PDE9A: variants seen among roughly 807,000 people sequenced by gnomAD.
PDE9A encodes phosphodiesterase 9A.
A neutral mutation model predicts 87.4 loss-of-function variants in PDE9A; 60 were observed. The observed-to-expected ratio is 0.69, with a 90% confidence interval of 0.56 to 0.85. PDE9A has a LOEUF of 0.85. PDE9A is among the 40% of genes least tolerant of loss of function. The pLI, the probability that PDE9A is intolerant of heterozygous loss-of-function variation, is 0.00. For missense variants in PDE9A, 665 were observed against 779.0 expected (o/e 0.85, Z 1.74); for synonymous variants, 272 against 279.4 (o/e 0.97, Z 0.27).
At chr21:42,677,267 G>C (rs2058895553) in intron 1 of PDE9A, among the ~76,000 whole-genome samples, 2 of 152,214 alleles carry the variant, frequency 1.3e-5, no homozygotes, top group African/African-American at 4.8e-5. Flanking sequence ...ATTGAATAAA[G>C]AATGTCAGCC....
At chr21:42,725,174 C>CCTT (rs1364164710) in intron 4 of PDE9A, among the ~76,000 whole-genome samples, 1 of 152,170 alleles carries the variant, frequency 6.6e-6, no homozygotes, top group East Asian at 1.9e-4. Context: ...ACGCTGCTTC[C>CCTT]CTTCCATTCC....
chr21:42,733,077 C>T (rs552664806), intron 6 of PDE9A, among the ~76,000 whole-genome samples: 1 of 152,346 alleles, frequency 6.6e-6, no homozygotes, highest in African/African-American at 2.4e-5. Context: ...GTGTCCACCC[C>T]AGAGAGCTTG....
chr21:42,773,831 G>A (rs540872159), intron 19 of PDE9A, among the ~76,000 whole-genome samples: 27 of 145,306 alleles, frequency 1.9e-4, no homozygotes, highest in South Asian at 9.5e-4. Flanking sequence ...TAAGCCGGGC[G>A]CAGTGGCTCA....
At chr21:42,684,042 T>C (rs1271668043) in intron 1 of PDE9A, among the ~76,000 whole-genome samples, 1 of 152,200 alleles carries the variant, frequency 6.6e-6, no homozygotes, top group Non-Finnish European at 1.5e-5. Flanking sequence ...AACACATCTT[T>C]GAGCAGTGGC....
At chr21:42,717,674 G>A (rs561821115) in intron 4 of PDE9A, among the ~76,000 whole-genome samples, 1 of 151,464 alleles carries the variant, frequency 6.6e-6, no homozygotes, top group Admixed American at 6.6e-5. Flanking sequence ...TTACAGGCGT[G>A]AACCACCGTG....
chr21:42,737,523 G>C (rs988516231), intron 7 of PDE9A, among the ~76,000 whole-genome samples: 5 of 152,174 alleles, frequency 3.3e-5, no homozygotes, highest in African/African-American at 1.2e-4. Context: ...GAAGTGGCGT[G>C]ATCTTGGCTC....
Position 42,765,019 on chromosome 21 carries a change from A to ATGGG in PDE9A, c.1243-358_1243-355dup, listed in dbSNP as rs749125801. Among the ~76,000 whole-genome samples the ATGGG allele has an allele frequency of 1.8e-3, 72 of 41,124 alleles. 1 individual carries two copies. Among genetic ancestry groups the ATGGG allele is most frequent in the Non-Finnish European group, 2.9e-3 (66 of 22,418 alleles). 27.0% of individuals were successfully genotyped at this position (41,124 alleles called of 152,430 possible). ...GATGGATGGATGGATGGATGGATGGATGGGTGGATGGGTGGATGGACAAAT... is the reference window on the plus strand; with the variant it reads ...GATGGATGGATGGATGGATGGATGGATGGGTGGGTGGATGGGTGGATGGACAAAT... On this transcript the variant is annotated intron_variant, in intron 14 of 19. Transcript: ENST00000291539.
intron 3 of PDE9A, chr21:42,690,017 T>G (rs2059705890): frequency 1.0e-6 from 1 of 984,588 alleles, no homozygotes. Context: ...AGGATACAGG[T>G]GAAGAAGGTG....
chr21:42,742,984 G>A (rs546726514), intron 7 of PDE9A, among the ~76,000 whole-genome samples: 2 of 152,258 alleles, frequency 1.3e-5, no homozygotes, highest in South Asian at 2.1e-4. Context: ...TGTTAGTCTC[G>A]TCCCCAGGCA....
intron 7 of PDE9A, among the ~76,000 whole-genome samples, chr21:42,737,994 TACGGATTATTTTGTAAACAGA>T (rs1837338493): frequency 6.6e-6 from 1 of 152,222 alleles, no homozygotes; most frequent in South Asian, 2.1e-4. Context: ...TCCCTTACGT[TACGGATTATTTTGTAAACAGA>T]ACACCCAGGC....
chr21:42,688,387 C>A (rs1046415130), intron 3 of PDE9A, among the ~76,000 whole-genome samples: 4 of 152,150 alleles, frequency 2.6e-5, no homozygotes, highest in African/African-American at 9.7e-5. Context: ...CCACTTAGGG[C>A]CGGTCTCTGT....
At chr21:42,668,839 G>T (rs1219861841) in intron 1 of PDE9A, among the ~76,000 whole-genome samples, 1 of 148,868 alleles carries the variant, frequency 6.7e-6, no homozygotes, top group African/African-American at 2.5e-5. Flanking sequence ...CGTGTCCTGC[G>T]CATGAACATC....
intron 4 of PDE9A, among the ~76,000 whole-genome samples, chr21:42,712,888 A>G (rs2049479314): frequency 6.6e-6 from 1 of 152,208 alleles, no homozygotes; most frequent in African/African-American, 2.4e-5. Context: ...ATGAGCATAC[A>G]TATGGTTTTT....
intron 17 of PDE9A, among the ~76,000 whole-genome samples, chr21:42,769,690 A>ATG (rs2056833505): frequency 8.6e-5 from 4 of 46,576 alleles, no homozygotes; most frequent in Non-Finnish European, 1.6e-4. Flanking sequence ...ACAGGCACAC[A>ATG]CATACACACA....
rs978550226 is a variant in PDE9A, at chr21:42,775,353, G to C, written c.*60G>C. 4 of 1,554,320 alleles carry C rather than the reference G, an allele frequency of 2.6e-6. No homozygotes were observed. In the African/African-American group the frequency reaches 5.5e-5, roughly 21 times the overall value. On this transcript the variant is annotated 3_prime_UTR_variant, in exon 20 of 20. Transcript: ENST00000291539. ...GCTGGCCGAGCTGCGCGGGATCCTT[G>C]TGCAGGGAAGAGCTGCCCTGGGCAC... is the stretch of plus-strand genomic sequence containing the variant.
intron 6 of PDE9A, among the ~76,000 whole-genome samples, chr21:42,732,752 G>A (rs1301791057): frequency 6.6e-6 from 1 of 152,030 alleles, no homozygotes; most frequent in South Asian, 2.1e-4. Context: ...CCGTCTCTAC[G>A]AAAAATACAA....
At chr21:42,664,217 G>A (rs2145868886) in intron 1 of PDE9A, among the ~76,000 whole-genome samples, 1 of 152,358 alleles carries the variant, frequency 6.6e-6, no homozygotes, top group East Asian at 1.9e-4. Flanking sequence ...GGCCAAGAGG[G>A]AGTCTTTGTG....
In PDE9A at chr21:42,699,018, C is replaced by T. The variant is rs1195647375; in HGVS notation, c.262+7C>T. On this transcript the variant is annotated splice_region_variant and intron_variant, in intron 4 of 19. Coordinates refer to ENST00000291539, the MANE Select transcript of PDE9A (RefSeq NM_002606.3). Reference sequence around the variant, plus strand: ...GCCATCAAGCAACTCTCCGGTAAGGCCCTGCTGTCGTTTTTTAAACTAAAA... The same window carrying T: ...GCCATCAAGCAACTCTCCGGTAAGGTCCTGCTGTCGTTTTTTAAACTAAAA... 6.2e-6 allele frequency: 10 copies of T among 1,601,372 alleles called. No individual in the cohort carries two copies. Among genetic ancestry groups the T allele is most frequent in the Admixed American group, 3.3e-5 (2 of 59,932 alleles).
At chr21:42,766,512 C>A (rs2056418892) in intron 15 of PDE9A, among the ~76,000 whole-genome samples, 3 of 152,302 alleles carry the variant, frequency 2.0e-5, no homozygotes, top group Admixed American at 2.0e-4. Context: ...AGGGAACTCT[C>A]GGCTCAGGCT....
Sources: allele counts gnomAD v4.1 joint callset (sites outside exome capture counted in the v4.1 genomes callset), GRCh38; gene constraint gnomAD v4.1.1; transcripts MANE v1.5; gene names NCBI Gene and HGNC (gene_info 2026-07-23, HGNC 2026-07-21).